PTPRD: variants seen among roughly 807,000 people sequenced by gnomAD.
PTPRD encodes receptor-type tyrosine-protein phosphatase delta.
In PTPRD, 34 loss-of-function variants were observed where a neutral mutation model predicts 214.5. That is an observed-to-expected ratio of 0.16 (90% CI 0.12 to 0.21). PTPRD has a LOEUF of 0.21. Among genes scored for constraint, PTPRD ranks in the 10% least tolerant of loss-of-function variants. PTPRD has a pLI of 1.00. For synonymous variants in PTPRD, 1,128 were observed against 845.7 expected, an observed-to-expected ratio of 1.33 and a Z score of -5.79; for missense variants, 2,545 against 2,398.7, an observed-to-expected ratio of 1.06 and a Z score of -1.27.
At chr9:9,180,129 T>A (rs1259889022) in intron 10 of PTPRD, among the ~76,000 whole-genome samples, 1 of 151,750 alleles carries the variant, frequency 6.6e-6, no homozygotes, top group Non-Finnish European at 1.5e-5. Flanking sequence ...ATCATGCTGC[T>A]ATGAAGACAC....
intron 9 of PTPRD, among the ~76,000 whole-genome samples, chr9:9,357,331 C>T (rs1415680534): frequency 2.0e-5 from 3 of 151,238 alleles, no homozygotes; most frequent in African/African-American, 7.3e-5. Flanking sequence ...TACTCATGGA[C>T]CTTTGAATTT....
At chr9:10,259,784 C>T (rs2093570991) in intron 3 of PTPRD, among the ~76,000 whole-genome samples, 1 of 152,170 alleles carries the variant, frequency 6.6e-6, no homozygotes, top group African/African-American at 2.4e-5. Context: ...TGCCTGGTTC[C>T]TGTTAGCTCC....
At chr9:9,307,465 G>C (rs777786515) in intron 9 of PTPRD, among the ~76,000 whole-genome samples, 6 of 152,102 alleles carry the variant, frequency 3.9e-5, no homozygotes, top group African/African-American at 1.2e-4. Flanking sequence ...TTAAGGGTAC[G>C]ATTGCTAAGA....
intron 9 of PTPRD, among the ~76,000 whole-genome samples, chr9:9,298,299 C>T (rs962630226): frequency 6.6e-6 from 1 of 151,574 alleles, no homozygotes; most frequent in East Asian, 1.9e-4. Context: ...AAATTTTAAA[C>T]ATCCTTTGTA....
intron 8 of PTPRD, among the ~76,000 whole-genome samples, chr9:9,568,292 A>C (rs1157974445): frequency 6.6e-6 from 1 of 151,922 alleles, no homozygotes; most frequent in Non-Finnish European, 1.5e-5. Context: ...GTTTTGTAGT[A>C]GAACACATGG....
intron 14 of PTPRD, among the ~76,000 whole-genome samples, chr9:8,626,265 T>C (rs2154307368): frequency 6.6e-6 from 1 of 152,006 alleles, no homozygotes. Flanking sequence ...GTTTGATAGA[T>C]TACTTTAAGT....
At chr9:8,749,935 C>G (rs2093347884) in intron 11 of PTPRD, among the ~76,000 whole-genome samples, 1 of 151,912 alleles carries the variant, frequency 6.6e-6, no homozygotes, top group South Asian at 2.1e-4. Flanking sequence ...AACCCCATCT[C>G]TCCTAAAAAT....
chr9:9,763,948 T>A (rs1230563964), intron 6 of PTPRD, among the ~76,000 whole-genome samples: 3 of 152,116 alleles, frequency 2.0e-5, no homozygotes, highest in African/African-American at 7.2e-5. Flanking sequence ...AATTCCTCAT[T>A]TTTTAAAATA....
chr9:8,793,413 T>C (rs151332081), intron 11 of PTPRD, among the ~76,000 whole-genome samples: 3 of 152,278 alleles, frequency 2.0e-5, no homozygotes, highest in Non-Finnish European at 2.9e-5. Context: ...CAGTCAAACC[T>C]TCAGATGACT....
chr9:9,055,021 CA>C (rs1221107746), intron 10 of PTPRD, among the ~76,000 whole-genome samples: 1 of 152,046 alleles, frequency 6.6e-6, no homozygotes. Flanking sequence ...TACATATTTG[CA>C]AGGACTGAAA....
intron 3 of PTPRD, among the ~76,000 whole-genome samples, chr9:10,088,877 G>A (rs986086304): frequency 4.0e-5 from 6 of 151,520 alleles, no homozygotes; most frequent in African/African-American, 1.5e-4. Context: ...GAATTTTTGG[G>A]GTGATGGAAA....
intron 43 of PTPRD, among the ~76,000 whole-genome samples, chr9:8,337,967 T>C (rs1039839135): frequency 6.6e-6 from 1 of 151,980 alleles, no homozygotes; most frequent in African/African-American, 2.4e-5. Flanking sequence ...ATAGTTAATA[T>C]AACTTTCTGG....
chr9:9,172,120 A>G (rs1378949057), intron 10 of PTPRD, among the ~76,000 whole-genome samples: 1 of 152,162 alleles, frequency 6.6e-6, no homozygotes, highest in Non-Finnish European at 1.5e-5. Context: ...AGTATTCTCT[A>G]AGTGAGCTAG....
At chr9:8,443,977 C>T (rs2095635733) in intron 34 of PTPRD, among the ~76,000 whole-genome samples, 1 of 152,116 alleles carries the variant, frequency 6.6e-6, no homozygotes, top group Non-Finnish European at 1.5e-5. Flanking sequence ...ATTCTAAAGG[C>T]CATGGGCCAG....
At chr9:10,078,348 CAA>C (rs35499698) in intron 3 of PTPRD, among the ~76,000 whole-genome samples, 30,221 of 119,808 alleles carry the variant, frequency 0.25, 3,511 homozygotes, top group South Asian at 0.35. Flanking sequence ...CCATCTCTTC[CAA>C]AAAAAAAAAA....
At chr9:9,538,974 T>C (rs1201124320) in intron 8 of PTPRD, among the ~76,000 whole-genome samples, 2 of 151,828 alleles carry the variant, frequency 1.3e-5, no homozygotes, top group East Asian at 1.9e-4. Context: ...TAGGCTCTGA[T>C]GATAGAGCAG....
chr9:10,394,050 T>A (rs1255896773), intron 2 of PTPRD, among the ~76,000 whole-genome samples: 1 of 145,312 alleles, frequency 6.9e-6, no homozygotes, highest in African/African-American at 2.5e-5. Context: ...TACCCATATA[T>A]ACATATTATA....
Position 8,796,689 on chromosome 9 carries a change from T to C in PTPRD, c.-103-62743A>G, listed in dbSNP as rs112538387. Among the ~76,000 whole-genome samples, 862 of 152,238 alleles carry C rather than the reference T, an allele frequency of 5.7e-3. 11 individuals carry two copies. Among genetic ancestry groups the C allele is most frequent in the African/African-American group, 0.019 (793 of 41,534 alleles). On this transcript the variant is annotated intron_variant, in intron 11 of 45. Transcript: ENST00000381196. ...TTGAAAATGAGTACAATTTCTATTT[T>C]ATTCACATAATAGATTTATGTAGGA...
intron 5 of PTPRD, among the ~76,000 whole-genome samples, chr9:9,801,279 C>G (rs1298572831): frequency 6.6e-6 from 1 of 151,846 alleles, no homozygotes; most frequent in Non-Finnish European, 1.5e-5. Flanking sequence ...AAGCTACTAG[C>G]TTTAAGCTGA....
Sources: allele counts gnomAD v4.1 joint callset (sites outside exome capture counted in the v4.1 genomes callset), GRCh38; gene constraint gnomAD v4.1.1; transcripts MANE v1.5; gene names NCBI Gene and HGNC (gene_info 2026-07-23, HGNC 2026-07-21).